Variants in SPON1 observed in about 807,000 individuals in gnomAD.
SPON1 encodes spondin-1.
SPON1 carries 52 observed loss-of-function variants against 111.7 expected under a neutral mutation model. That is an observed-to-expected ratio of 0.47 (90% confidence interval 0.37 to 0.59). The LOEUF (loss-of-function observed/expected upper bound fraction) is 0.59. SPON1 is among the 20% of genes least tolerant of loss of function. The pLI, the probability that SPON1 is intolerant of heterozygous loss-of-function variation, is 0.00. For missense variants in SPON1, 957 were observed against 1,068.5 expected, an observed-to-expected ratio of 0.90 and a Z score of 1.46; for synonymous variants, 410 against 395.8, an observed-to-expected ratio of 1.04 and a Z score of -0.43.
intron 6 of SPON1, among the ~76,000 whole-genome samples, chr11:14,158,869 T>A (rs1554930635): frequency 6.6e-6 from 1 of 152,160 alleles, no homozygotes; most frequent in African/African-American, 2.4e-5. Flanking sequence ...TTCTCTTGCA[T>A]CTTTCTGATT....
intron 3 of SPON1, among the ~76,000 whole-genome samples, chr11:14,052,352 G>A (rs534499447): frequency 1.1e-4 from 16 of 152,314 alleles, no homozygotes; most frequent in East Asian, 3.9e-4. Context: ...CAATGACTCC[G>A]TGTGTGATTT....
intron 5 of SPON1, among the ~76,000 whole-genome samples, chr11:14,087,787 G>C (rs1315598242): frequency 2.0e-5 from 3 of 152,160 alleles, no homozygotes; most frequent in African/African-American, 7.2e-5. Context: ...TCTCTTTGTA[G>C]GTCTCTAAGA....
intron 6 of SPON1, among the ~76,000 whole-genome samples, chr11:14,208,412 T>C (rs1265547397): frequency 6.6e-6 from 1 of 152,230 alleles, no homozygotes; most frequent in Non-Finnish European, 1.5e-5. Flanking sequence ...TTATTGATTG[T>C]ATTATTTTGA....
At chr11:14,145,247 G>A (rs1847704103) in intron 6 of SPON1, among the ~76,000 whole-genome samples, 3 of 152,222 alleles carry the variant, frequency 2.0e-5, no homozygotes, top group Non-Finnish European at 2.9e-5. Context: ...GGCACAGGCT[G>A]CCTTTGCTGG....
At chr11:14,141,101 C>T (rs782229643) in intron 6 of SPON1, among the ~76,000 whole-genome samples, 3 of 151,880 alleles carry the variant, frequency 2.0e-5, no homozygotes, top group Non-Finnish European at 4.4e-5. Context: ...CCGCCTCCAG[C>T]TCCTGGGGCC....
intron 6 of SPON1, among the ~76,000 whole-genome samples, chr11:14,233,140 T>G (rs1310570096): frequency 1.3e-5 from 2 of 152,154 alleles, no homozygotes; most frequent in Non-Finnish European, 2.9e-5. Context: ...CCTGGACTTC[T>G]CCGTTGAGCT....
chr11:14,046,179 G>A (rs1221659687), intron 3 of SPON1, among the ~76,000 whole-genome samples: 3 of 152,168 alleles, frequency 2.0e-5, no homozygotes, highest in Admixed American at 6.5e-5. Context: ...AAAAGGCAGA[G>A]AGGATGGGGT....
intron 6 of SPON1, among the ~76,000 whole-genome samples, chr11:14,194,747 G>A (rs555075926): frequency 6.6e-6 from 1 of 152,270 alleles, no homozygotes; most frequent in South Asian, 2.1e-4. Context: ...CAAGTAAAGG[G>A]ATTCTTCTAA....
rs148026381 is a variant in SPON1 at position 14,080,331 on chromosome 11, C to A, written c.676+310C>A. Among the ~76,000 whole-genome samples the A allele has an allele frequency of 6.1e-3, 928 of 152,038 alleles. 10 individuals are homozygous for A. The highest frequency in any genetic ancestry group is 0.021 in the African/African-American group (873 of 41,474). On this transcript the variant is annotated intron_variant, in intron 5 of 15. Transcript: ENST00000576479. ...GCAACCTCCGCCTCCCGGGTTCAAGCAGTTCTCCTGCCTCAGCCTCCTGAG... is the reference window on the plus strand; with the variant it reads ...GCAACCTCCGCCTCCCGGGTTCAAGAAGTTCTCCTGCCTCAGCCTCCTGAG...
At chr11:14,038,635 A>G (rs1383054908) in intron 2 of SPON1, among the ~76,000 whole-genome samples, 3 of 152,248 alleles carry the variant, frequency 2.0e-5, no homozygotes, top group African/African-American at 7.2e-5. Context: ...GGTGTTACAA[A>G]TTAAAACAAT....
At chr11:14,057,742 C>G (rs1848755554) in intron 3 of SPON1, among the ~76,000 whole-genome samples, 1 of 150,096 alleles carries the variant, frequency 6.7e-6, no homozygotes, top group Non-Finnish European at 1.5e-5. Context: ...CATCTGTAAT[C>G]CCAACAATTT....
intron 9 of SPON1, 134 bp from the exon 10 acceptor site, chr11:14,256,483 G>A (rs1849109653): frequency 1.7e-6 from 1 of 578,524 alleles, no homozygotes; most frequent in Non-Finnish European, 3.0e-6. Flanking sequence ...GATTGTAAAT[G>A]TTGGTCCAGA....
intron 2 of SPON1, among the ~76,000 whole-genome samples, chr11:14,002,953 A>G (rs781245245): frequency 4.0e-4 from 61 of 152,046 alleles, no homozygotes; most frequent in Non-Finnish European, 5.6e-4. Flanking sequence ...ACAGCCAAGC[A>G]CTTCAAGAGA....
At chr11:14,043,973 A>C (rs1848650090) in intron 3 of SPON1, among the ~76,000 whole-genome samples, 1 of 152,174 alleles carries the variant, frequency 6.6e-6, no homozygotes, top group South Asian at 2.1e-4. Context: ...AGAGAGAAAA[A>C]GTCAACCAAT....
chr11:14,032,283 G>A (rs1187417547), intron 2 of SPON1, among the ~76,000 whole-genome samples: 1 of 151,798 alleles, frequency 6.6e-6, no homozygotes, highest in African/African-American at 2.4e-5. Context: ...TCTTGGGGTG[G>A]TGGAATGATC....
chr11:14,076,194 G>A lies in SPON1; in HGVS notation c.553+776G>A, dbSNP rs901993782. On this transcript the variant is annotated intron_variant, in intron 4 of 15. Coordinates refer to ENST00000576479, the MANE Select transcript of SPON1 (RefSeq NM_006108.4). ...GCAAAAAAAATTGACCTTAAACATC[G>A]GAATGTTTTTAAAAGTTATTGGATA... Among the ~76,000 whole-genome samples, 11 of 151,956 alleles carry A rather than the reference G, an allele frequency of 7.2e-5. No homozygotes were observed. In the East Asian group the frequency reaches 9.6e-4, roughly 13 times the overall value.
chr11:14,111,215 T>C (rs995106442), intron 5 of SPON1, among the ~76,000 whole-genome samples: 2 of 152,240 alleles, frequency 1.3e-5, no homozygotes, highest in African/African-American at 4.8e-5. Flanking sequence ...ATCTTCAAGA[T>C]ACCACATATA....
In SPON1 at chr11:14,255,883, C is replaced by G; in HGVS notation, c.1233+96C>G. 2.3e-6 allele frequency: 3 copies of G among 1,298,676 alleles called. No individual in the cohort carries two copies. In the South Asian group the frequency reaches 4.6e-5, roughly 20 times the overall value. The allele number at this position is 1,298,676 out of a possible 1,614,324, so 80.4% of individuals were successfully genotyped here. On this transcript the variant is annotated intron_variant, in intron 9 of 15. Coordinates refer to ENST00000576479, the MANE Select transcript of SPON1 (RefSeq NM_006108.4). ...TGCTCTAGAATCATAGAGTCACTGG[C>G]AGAAAGCACCTCAGGATATGGAATT...
chr11:13,970,766 T>C (rs1848057048), intron 1 of SPON1, among the ~76,000 whole-genome samples: 2 of 152,226 alleles, frequency 1.3e-5, no homozygotes, highest in South Asian at 4.1e-4. Context: ...TAAGGGAATC[T>C]CTTTAAAGAG....
Sources: allele counts gnomAD v4.1 joint callset (sites outside exome capture counted in the v4.1 genomes callset), GRCh38; gene constraint gnomAD v4.1.1; transcripts MANE v1.5; gene names NCBI Gene and HGNC (gene_info 2026-07-23, HGNC 2026-07-21).